The following CDH20 variants were observed in gnomAD, a reference collection of about 807,000 sequenced individuals.
CDH20 encodes the protein cadherin-20.
Under a neutral mutation model 74.2 loss-of-function variants are expected in CDH20, and 29 were observed. That is an observed-to-expected ratio of 0.39 (90% CI 0.29 to 0.53). The LOEUF (loss-of-function observed/expected upper bound fraction) is 0.53. CDH20 is among the 20% of genes least tolerant of loss of function. The pLI, the probability that CDH20 is intolerant of heterozygous loss-of-function variation, is 0.69. For synonymous variants in CDH20, 469 were observed against 405.4 expected (o/e 1.16, Z -1.88); for missense variants, 988 against 1,048.3 (o/e 0.94, Z 0.79).
Position 61,538,589 on chromosome 18 carries a change from TTTG to T in CDH20, c.1409-432_1409-430del, listed in dbSNP as rs1912896809. Among the ~76,000 whole-genome samples the T allele has an allele frequency of 1.0e-4, 4 of 39,252 alleles. 2 individuals are homozygous for T. Among genetic ancestry groups the T allele is most frequent in the African/African-American group, 2.5e-4 (2 of 7,884 alleles). 25.8% of individuals were successfully genotyped at this position (39,252 alleles called of 152,430 possible). A position where few individuals can be genotyped will look rare whatever the true frequency, so the allele number is the denominator to read the frequency against. ...CAAGTAAATAACTACTTTTTGTTTG[TTTG>T]TTTGTTTTTGTTTTTGTTTTTGTTT... is the stretch of plus-strand genomic sequence containing the variant. On this transcript the variant is annotated intron_variant, in intron 8 of 11. Coordinates refer to ENST00000262717, the MANE Select transcript of CDH20 (RefSeq NM_031891.4).
At chr18:61,424,488 G>A (rs1382890704) in intron 1 of CDH20, among the ~76,000 whole-genome samples, 1 of 152,134 alleles carries the variant, frequency 6.6e-6, no homozygotes, top group Non-Finnish European at 1.5e-5. Flanking sequence ...ATTTGCTCTA[G>A]GTTAGATACT....
At chr18:61,349,599 C>T in intron 1 of CDH20, among the ~76,000 whole-genome samples, 1 of 151,922 alleles carries the variant, frequency 6.6e-6, no homozygotes, top group East Asian at 1.9e-4. Context: ...ATTATTTTTC[C>T]ATGGATATCT....
intron 6 of CDH20, among the ~76,000 whole-genome samples, chr18:61,521,453 C>T (rs1050697502): frequency 6.6e-6 from 1 of 151,030 alleles, no homozygotes; most frequent in African/African-American, 2.5e-5. Flanking sequence ...ACCAAAAAAG[C>T]CCAGGATGAT....
intron 1 of CDH20, among the ~76,000 whole-genome samples, chr18:61,427,311 TACGTACTAAC>T (rs1363456103): frequency 1.3e-5 from 2 of 152,170 alleles, no homozygotes; most frequent in African/African-American, 4.8e-5. Flanking sequence ...CCCAGTGAAG[TACGTACTAAC>T]ATGTTTGTCT....
chr18:61,374,988 G>A (rs8097281), intron 1 of CDH20, among the ~76,000 whole-genome samples: 11,915 of 152,192 alleles, frequency 0.078, 561 homozygotes, highest in East Asian at 0.12. Context: ...GAAAGTTACT[G>A]AACTCATAGT....
chr18:61,482,061 C>G (rs1421258608), intron 1 of CDH20, among the ~76,000 whole-genome samples: 2 of 151,456 alleles, frequency 1.3e-5, no homozygotes, highest in African/African-American at 4.9e-5. Context: ...TAAATTTTAC[C>G]AGGTTAGCCA....
intron 1 of CDH20, among the ~76,000 whole-genome samples, chr18:61,456,590 T>C (rs941949442): frequency 1.3e-5 from 2 of 151,924 alleles, no homozygotes; most frequent in Non-Finnish European, 2.9e-5. Context: ...AGCAAAACAT[T>C]TTTAGCCACA....
At chr18:61,342,428 A>ACT (rs1376487878) in intron 1 of CDH20, among the ~76,000 whole-genome samples, 1 of 151,888 alleles carries the variant, frequency 6.6e-6, no homozygotes, top group East Asian at 1.9e-4. Context: ...CAAACACAGG[A>ACT]CTCTCTGGCT....
At chr18:61,489,789 A>G (rs963985198) in intron 1 of CDH20, among the ~76,000 whole-genome samples, 7 of 152,106 alleles carry the variant, frequency 4.6e-5, no homozygotes, top group African/African-American at 1.7e-4. Flanking sequence ...TTCGGAGCCA[A>G]AACAGTAGAG....
At chr18:61,361,587 C>G (rs1312244188) in intron 1 of CDH20, among the ~76,000 whole-genome samples, 1 of 152,018 alleles carries the variant, frequency 6.6e-6, no homozygotes, top group Non-Finnish European at 1.5e-5. Flanking sequence ...GTAATAGGAC[C>G]AGAAGAATCA....
At chr18:61,491,794 C>A (rs1351313191) in intron 2 of CDH20, among the ~76,000 whole-genome samples, 2 of 152,048 alleles carry the variant, frequency 1.3e-5, no homozygotes, top group African/African-American at 4.8e-5. Context: ...TCACACCTCC[C>A]AGTCACAACC....
chr18:61,376,313 T>C (rs1276279016), intron 1 of CDH20, among the ~76,000 whole-genome samples: 1 of 152,104 alleles, frequency 6.6e-6, no homozygotes, highest in African/African-American at 2.4e-5. Flanking sequence ...TACATGTACA[T>C]TTTTAGGAAT....
chr18:61,374,337 G>A (rs963454650), intron 1 of CDH20, among the ~76,000 whole-genome samples: 13 of 152,038 alleles, frequency 8.6e-5, no homozygotes, highest in Admixed American at 7.9e-4. Flanking sequence ...CCCAAATGAG[G>A]GGAAATTTCT....
At chr18:61,429,673 C>T (rs746577505) in intron 1 of CDH20, among the ~76,000 whole-genome samples, 1 of 152,178 alleles carries the variant, frequency 6.6e-6, no homozygotes, top group Non-Finnish European at 1.5e-5. Context: ...CCTGGACAGC[C>T]TCGTCTCCCC....
intron 1 of CDH20, among the ~76,000 whole-genome samples, chr18:61,464,404 A>G (rs1269787088): frequency 6.6e-6 from 1 of 151,960 alleles, no homozygotes; most frequent in Non-Finnish European, 1.5e-5. Context: ...TTCTCCACCA[A>G]CCCACTGTCC....
intron 1 of CDH20, among the ~76,000 whole-genome samples, chr18:61,384,383 T>G (rs1456263113): frequency 1.3e-5 from 2 of 152,182 alleles, no homozygotes; most frequent in Admixed American, 1.3e-4. Flanking sequence ...TCAATCTCAA[T>G]TTTTGGAATA....
intron 1 of CDH20, among the ~76,000 whole-genome samples, chr18:61,451,293 T>C (rs1909378273): frequency 6.6e-6 from 1 of 152,070 alleles, no homozygotes; most frequent in Admixed American, 6.6e-5. Context: ...AATGTAGCCA[T>C]TATTTTAAAA....
intron 1 of CDH20, among the ~76,000 whole-genome samples, chr18:61,411,005 C>T (rs931153822): frequency 6.6e-6 from 1 of 152,000 alleles, no homozygotes; most frequent in East Asian, 1.9e-4. Flanking sequence ...TCAAGACCAT[C>T]CTGGTTAACA....
intron 6 of CDH20, among the ~76,000 whole-genome samples, chr18:61,519,354 G>A (rs1444171596): frequency 6.6e-6 from 1 of 151,182 alleles, no homozygotes; most frequent in Non-Finnish European, 1.5e-5. Flanking sequence ...AGGAAAAAAT[G>A]TTAAGGGCAG....
Sources: gnomAD v4.1 joint callset for allele counts (sites outside exome capture counted in the v4.1 genomes callset) on GRCh38, gnomAD v4.1.1 for gene constraint, MANE v1.5 for transcripts, NCBI Gene and HGNC (gene_info 2026-07-23, HGNC 2026-07-21) for gene names.